Variants in CDK13 observed in about 807,000 individuals in gnomAD.
The protein encoded by CDK13 is cyclin-dependent kinase 13.
In CDK13, 40 loss-of-function variants were observed where a neutral mutation model predicts 137.6. The observed-to-expected ratio is 0.29, with a 90% CI of 0.23 to 0.38. CDK13 has a LOEUF of 0.38. Ranked by LOEUF, CDK13 falls within the 10% of genes least tolerant of loss-of-function variation. The probability of loss-of-function intolerance (pLI) is 1.00; values close to 1 mark genes in which losing one functional copy is unlikely to be tolerated. For missense variants in CDK13, 1,704 were observed against 1,951.8 expected, an observed-to-expected ratio of 0.87 and a Z score of 2.39; for synonymous variants, 869 against 760.1, an observed-to-expected ratio of 1.14 and a Z score of -2.36.
intron 7 of CDK13, chr7:40,049,095 T>A (rs1159312908): frequency 7.1e-6 from 1 of 141,814 alleles, no homozygotes; most frequent in African/African-American, 2.7e-5. Flanking sequence ...CTTGGGAGGC[T>A]GAGGCACAAG....
chr7:40,087,542 T>C (rs1361482848), intron 11 of CDK13, among the ~76,000 whole-genome samples: 2 of 135,706 alleles, frequency 1.5e-5, no homozygotes, highest in Non-Finnish European at 3.0e-5. Context: ...ACAGCAATAG[T>C]GGTGTTTTTT....
In CDK13 at chr7:39,951,438, G is replaced by A. The variant is rs1330067173; in HGVS notation, c.797G>A (p.Ser266Asn). The change falls in exon 1 of 14, where the codon AGC becomes AAC. Residue 266 changes from serine (S) to asparagine (N), a missense_variant. By Grantham distance (46) the Ser-to-Asn change is conservative (BLOSUM62 1). This residue lies in a region of CDK13 where 1,051 missense variants were observed against 931.0 expected (regional missense o/e 1.13). Transcript: ENST00000181839. Reference sequence around the variant, plus strand: ...CGGAAAAGCGCTTCGGCCACATCCAGCAGCAGTAGCAGCCGCAAGGACCGG... The same window carrying A: ...CGGAAAAGCGCTTCGGCCACATCCAACAGCAGTAGCAGCCGCAAGGACCGG... ...GRRKSASATS[S>N]SSSSRKDRDS... 2 of 1,535,868 alleles carry A rather than the reference G, an allele frequency of 1.3e-6. No homozygotes were observed. Among genetic ancestry groups the A allele is most frequent in the African/African-American group, 1.4e-5 (1 of 71,450 alleles).
At position 40,039,284 on chromosome 7, in the gene CDK13, A is replaced by T. The variant is rs996621935; in HGVS notation, c.2354-6552A>T. On this transcript the variant is annotated intron_variant, in intron 5 of 13. Transcript: ENST00000181839. ...TATATATACAGATAGAGAGAGAGAG[A>T]GTGTCTTGCTTTGTTGCCCAGGCTG... Among the ~76,000 whole-genome samples, 6 of 150,848 alleles carry T rather than the reference A, an allele frequency of 4.0e-5. 1 individual carries two copies. Among genetic ancestry groups the T allele is most frequent in the South Asian group, 4.2e-4 (2 of 4,742 alleles).
chr7:40,074,386 G>T (rs956646911), intron 9 of CDK13, among the ~76,000 whole-genome samples: 1 of 152,176 alleles, frequency 6.6e-6, no homozygotes, highest in African/African-American at 2.4e-5. Flanking sequence ...AGCCGGGTGT[G>T]GTGGCAGGTG....
intron 12 of CDK13, among the ~76,000 whole-genome samples, chr7:40,090,585 C>A (rs886378675): frequency 6.6e-6 from 1 of 151,914 alleles, no homozygotes; most frequent in African/African-American, 2.4e-5. Context: ...AACTCCTGAC[C>A]TTGAGTTATC....
intron 5 of CDK13, among the ~76,000 whole-genome samples, chr7:40,022,243 T>C (rs1010445612): frequency 6.6e-6 from 1 of 152,224 alleles, no homozygotes; most frequent in Non-Finnish European, 1.5e-5. Flanking sequence ...TCTTTCTCTT[T>C]TGCCATTTCA....
intron 5 of CDK13, among the ~76,000 whole-genome samples, chr7:40,021,112 T>TACACAC (rs1415262803): frequency 6.2e-4 from 55 of 88,366 alleles, no homozygotes; most frequent in African/African-American, 2.5e-3. Flanking sequence ...CGTATATATA[T>TACACAC]ATATATATAT....
At chr7:40,081,390 A>C (rs1053912211) in intron 11 of CDK13, among the ~76,000 whole-genome samples, 1 of 152,208 alleles carries the variant, frequency 6.6e-6, no homozygotes, top group Non-Finnish European at 1.5e-5. Context: ...TCTTGTAAAT[A>C]TATCAAGTGG....
At chr7:40,083,982 G>A (rs1214587437) in intron 11 of CDK13, among the ~76,000 whole-genome samples, 1 of 152,172 alleles carries the variant, frequency 6.6e-6, no homozygotes. Flanking sequence ...AAAGTTGGAA[G>A]GTGTATCAAA....
In CDK13 at chr7:39,976,323, T is replaced by TCACACACACACACACACACA. The variant is rs764395925; in HGVS notation, c.1212-11259_1212-11240dup. Among the ~76,000 whole-genome samples the TCACACACACACACACACACA allele has an allele frequency of 3.1e-3, 123 of 39,572 alleles. 5 individuals are homozygous for TCACACACACACACACACACA. Among genetic ancestry groups the TCACACACACACACACACACA allele is most frequent in the South Asian group, 4.6e-3 (4 of 866 alleles). The allele number at this position is 39,572 out of a possible 152,430, so 26.0% of individuals were successfully genotyped here. A position where few individuals can be genotyped will look rare whatever the true frequency, so the allele number is the denominator to read the frequency against. On this transcript the variant is annotated intron_variant, in intron 1 of 13. Transcript: ENST00000181839. The stretch of plus-strand genomic sequence containing the variant: ...CTCTCTCTCTCTCTCTCTCTCTCTC[T>TCACACACACACACACACACA]CACACACACACACACACACACACAC...
chr7:40,092,633 T>G (rs1428684202), intron 12 of CDK13, 152 bp from the exon 13 acceptor site: 6 of 610,312 alleles, frequency 9.8e-6, no homozygotes, highest in South Asian at 2.1e-5. Context: ...GTACATGATA[T>G]TTAACTAGAC....
intron 5 of CDK13, among the ~76,000 whole-genome samples, chr7:40,042,510 A>G (rs1584028945): frequency 1.0e-5 from 1 of 96,366 alleles, no homozygotes; most frequent in South Asian, 3.0e-4. Flanking sequence ...GACAGGGTTC[A>G]CTCTATCACC....
intron 1 of CDK13, among the ~76,000 whole-genome samples, chr7:39,983,607 G>A (rs976349557): frequency 6.6e-6 from 1 of 152,128 alleles, no homozygotes; most frequent in Non-Finnish European, 1.5e-5. Context: ...TTATGTGTCT[G>A]AATGAAATTG....
chr7:40,056,409 C>G (rs1208117952), intron 7 of CDK13, among the ~76,000 whole-genome samples: 2 of 152,166 alleles, frequency 1.3e-5, no homozygotes, highest in East Asian at 1.9e-4. Flanking sequence ...CTTGCCAGCT[C>G]TGTTCTCTCC....
intron 4 of CDK13, among the ~76,000 whole-genome samples, chr7:40,000,401 G>A (rs1401330210): frequency 3.3e-5 from 5 of 152,092 alleles, no homozygotes; most frequent in Admixed American, 3.3e-4. Context: ...AAATTAGCCA[G>A]GTGTGGTGGT....
At chr7:39,992,184 G>A (rs1172738651) in intron 2 of CDK13, among the ~76,000 whole-genome samples, 6 of 151,796 alleles carry the variant, frequency 4.0e-5, no homozygotes. Context: ...GTGTGTGTGT[G>A]TGTGTGTGTG....
At chr7:39,983,361 T>A (rs1361682504) in intron 1 of CDK13, among the ~76,000 whole-genome samples, 1 of 152,152 alleles carries the variant, frequency 6.6e-6, no homozygotes, top group Non-Finnish European at 1.5e-5. Context: ...GACCTCGTGA[T>A]CCGCCCACCT....
rs758188511 is a variant in CDK13, at chr7:40,094,520, C to T, written c.4079C>T (p.Ala1360Val). 11 of 1,612,620 alleles carry T rather than the reference C, an allele frequency of 6.8e-6. No homozygotes were observed. Among genetic ancestry groups the T allele is most frequent in the Middle Eastern group, 1.6e-4 (1 of 6,080 alleles). Residue 1360 changes from alanine to valine, a missense_variant, in exon 14 of 14, where the codon GCT becomes GTT. This residue lies in a region of CDK13 where 475 missense variants were observed against 579.3 expected (regional missense o/e 0.82). Transcript: ENST00000181839. ...VSNDGLGSSS[A>V]PPLERRSFIG... is the part of the protein sequence containing the mutation. ...AATGATGGTCTAGGAAGCAGTTCTG[C>T]TCCACCACTAGAACGACGTAGTTTC...
In CDK13 at chr7:40,049,543, A is replaced by T. The variant is rs1785833615; in HGVS notation, c.2600+1666A>T. Among the ~76,000 whole-genome samples, 6 of 152,268 alleles carry T rather than the reference A, an allele frequency of 3.9e-5. No individual in the cohort carries two copies. In the South Asian group the frequency reaches 1.0e-3, roughly 26 times the overall value. On this transcript the variant is annotated intron_variant, in intron 7 of 13. Transcript: ENST00000181839. Reference sequence around the variant, plus strand: ...ATTTTGAAATATGTATACATTGTGAAATGGCTACATTGAGCTAATTACTAT... The same window carrying T: ...ATTTTGAAATATGTATACATTGTGATATGGCTACATTGAGCTAATTACTAT...
Sources: allele counts gnomAD v4.1 joint callset (sites outside exome capture counted in the v4.1 genomes callset), GRCh38; gene constraint gnomAD v4.1.1; regional missense constraint gnomAD v4.1.1; transcripts MANE v1.5; gene names NCBI Gene and HGNC (gene_info 2026-07-23, HGNC 2026-07-21).